EEF1E1: variants seen among roughly 807,000 people sequenced by gnomAD.
The protein encoded by EEF1E1 is eukaryotic translation elongation factor 1 epsilon-1.
A neutral mutation model predicts 19.9 loss-of-function variants in EEF1E1; 19 were observed. The observed-to-expected ratio is 0.95, with a 90% CI of 0.66 to 1.40. EEF1E1 has a LOEUF of 1.40. EEF1E1 is among the 40% of genes most tolerant of loss of function. The pLI is 0.00. For synonymous variants in EEF1E1, 81 were observed against 80.0 expected, an observed-to-expected ratio of 1.01 and a Z score of -0.07; for missense variants, 198 against 202.2, an observed-to-expected ratio of 0.98 and a Z score of 0.13.
chr6:8,097,402 T>C lies in EEF1E1; in HGVS notation c.153A>G (p.Leu51=). 6.2e-7 allele frequency: 1 copy of C among 1,614,178 alleles called. No individual in the cohort carries two copies. The highest frequency in any genetic ancestry group is 8.5e-7 in the Non-Finnish European group (1 of 1,180,032). Residue 51 remains leucine (L), a synonymous_variant, in exon 2 of 4, where the codon CTA becomes CTG. Coordinates refer to ENST00000379715, the MANE Select transcript of EEF1E1 (RefSeq NM_004280.5). ...LTGLTTIAAH[L]VKQANKEYLL... ...AATATTCTTTGTTGGCTTGCTTGAC[T>C]AGATGAGCTGCTATAGTAGTCAATC...
chr6:8,093,197 T>C (rs968532792), intron 2 of EEF1E1, among the ~76,000 whole-genome samples: 1 of 152,108 alleles, frequency 6.6e-6, no homozygotes, highest in Non-Finnish European at 1.5e-5. Context: ...GTAGTTTTTA[T>C]AAACTATGAT....
At chr6:8,092,835 A>G (rs932140079) in intron 2 of EEF1E1, among the ~76,000 whole-genome samples, 1 of 140,758 alleles carries the variant, frequency 7.1e-6, no homozygotes, top group South Asian at 2.2e-4. Context: ...AACAGAATCT[A>G]TATCCGTGTT....
At chr6:8,085,128 G>C (rs753779666) in intron 3 of EEF1E1, among the ~76,000 whole-genome samples, 8 of 151,902 alleles carry the variant, frequency 5.3e-5, no homozygotes, top group Non-Finnish European at 7.4e-5. Context: ...ACTATAAATA[G>C]GTACCAGTTG....
chr6:8,091,360 T>C (rs185518622), intron 2 of EEF1E1, among the ~76,000 whole-genome samples: 69 of 152,334 alleles, frequency 4.5e-4, no homozygotes, highest in African/African-American at 1.5e-3. Flanking sequence ...CTAAAGTCCT[T>C]TGCCACTTTT....
At chr6:8,083,588 C>T (rs1757773549) in intron 3 of EEF1E1, among the ~76,000 whole-genome samples, 1 of 152,176 alleles carries the variant, frequency 6.6e-6, no homozygotes, top group Non-Finnish European at 1.5e-5. Flanking sequence ...TAATATTCCT[C>T]AAACGGAGTT....
At chr6:8,076,532 C>T (rs1259094007), downstream of EEF1E1, among the ~76,000 whole-genome samples, 1 of 151,650 alleles carries the variant, frequency 6.6e-6, no homozygotes, top group East Asian at 1.9e-4. Flanking sequence ...ACCGTGTTAG[C>T]CAGGATGGTC....
At chr6:8,086,557 A>G (rs762690866) in intron 3 of EEF1E1, among the ~76,000 whole-genome samples, 6 of 152,190 alleles carry the variant, frequency 3.9e-5, no homozygotes, top group Non-Finnish European at 8.8e-5. Flanking sequence ...TTTACAGTTT[A>G]TAAGACAAAG....
At chr6:8,090,859 A>G (rs894282154) in intron 2 of EEF1E1, among the ~76,000 whole-genome samples, 3 of 152,204 alleles carry the variant, frequency 2.0e-5, no homozygotes, top group Non-Finnish European at 4.4e-5. Flanking sequence ...CATGCAGCAC[A>G]TGTCAGGATT....
At chr6:8,078,989 C>G (rs1757662849), downstream of EEF1E1, among the ~76,000 whole-genome samples, 1 of 152,140 alleles carries the variant, frequency 6.6e-6, no homozygotes, top group Non-Finnish European at 1.5e-5. Flanking sequence ...CCATTTTTCT[C>G]ATTATTTGTA....
intron 3 of EEF1E1, among the ~76,000 whole-genome samples, chr6:8,082,431 C>T (rs557944522): frequency 6.6e-6 from 1 of 152,268 alleles, no homozygotes; most frequent in East Asian, 1.9e-4. Flanking sequence ...TCACATACCA[C>T]CACACCTGGC....
intron 3 of EEF1E1, among the ~76,000 whole-genome samples, chr6:8,084,255 C>T (rs1757789900): frequency 1.3e-5 from 2 of 152,172 alleles, no homozygotes; most frequent in Non-Finnish European, 2.9e-5. Context: ...CTTTAACATG[C>T]TGTACTGAAT....
chr6:8,083,027 A>G lies in EEF1E1; in HGVS notation c.385-2997T>C, dbSNP rs377309604. Among the ~76,000 whole-genome samples the G allele has an allele frequency of 5.4e-4, 82 of 152,210 alleles. 1 individual carries two copies. The highest frequency in any genetic ancestry group is 1.9e-3 in the African/African-American group (77 of 41,518). Reference sequence around the variant, plus strand: ...AAACAATGCAATTGTTCTAGTTGCCATTTCCTGCTTCATGTTGATCTGCAT... The same window carrying G: ...AAACAATGCAATTGTTCTAGTTGCCGTTTCCTGCTTCATGTTGATCTGCAT... On this transcript the variant is annotated intron_variant, in intron 3 of 3. Coordinates refer to ENST00000379715, the MANE Select transcript of EEF1E1 (RefSeq NM_004280.5).
At chr6:8,081,011 C>T (rs1757710523) in intron 3 of EEF1E1, among the ~76,000 whole-genome samples, 1 of 152,182 alleles carries the variant, frequency 6.6e-6, no homozygotes, top group Non-Finnish European at 1.5e-5. Flanking sequence ...TACCAGATCA[C>T]CAAAGGTGAA....
At chr6:8,078,805 C>T, downstream of EEF1E1, 3 of 1,221,258 alleles carry the variant, frequency 2.5e-6, no homozygotes, top group Non-Finnish European at 3.1e-6. Context: ...CTTTTTTCTT[C>T]ATGTTGTCTA....
At chr6:8,080,878 C>G (rs1464874285) in intron 3 of EEF1E1, among the ~76,000 whole-genome samples, 3 of 152,180 alleles carry the variant, frequency 2.0e-5, no homozygotes, top group Non-Finnish European at 4.4e-5. Context: ...AACTCAGCCA[C>G]CCTACAAGCG....
chr6:8,083,608 C>T (rs1329527407), intron 3 of EEF1E1, among the ~76,000 whole-genome samples: 1 of 152,088 alleles, frequency 6.6e-6, no homozygotes, highest in African/African-American at 2.4e-5. Context: ...TAAGATAGAC[C>T]AGATCTTAGA....
At chr6:8,079,309 C>G (rs1757669562), downstream of EEF1E1, 1 of 670,090 alleles carries the variant, frequency 1.5e-6, no homozygotes, top group South Asian at 6.7e-5. Flanking sequence ...AGGAATGTAT[C>G]TTACTCCAGT....
intron 2 of EEF1E1, among the ~76,000 whole-genome samples, chr6:8,092,952 A>T (rs1475255416): frequency 2.9e-5 from 4 of 135,652 alleles, no homozygotes; most frequent in Non-Finnish European, 6.1e-5. Flanking sequence ...TGGGCTCACC[A>T]CAACCTCTGC....
chr6:8,088,843 C>T (rs568630688), intron 3 of EEF1E1, among the ~76,000 whole-genome samples: 4 of 151,148 alleles, frequency 2.6e-5, no homozygotes, highest in Admixed American at 6.6e-5. Context: ...TTTTTCTAGC[C>T]GAATAATGGA....
Sources: gnomAD v4.1 joint callset for allele counts (sites outside exome capture counted in the v4.1 genomes callset) on GRCh38, gnomAD v4.1.1 for gene constraint, MANE v1.5 for transcripts, NCBI Gene and HGNC (gene_info 2026-07-23, HGNC 2026-07-21) for gene names.